LSAMP: variants seen among roughly 807,000 people sequenced by gnomAD.
LSAMP encodes the protein limbic system associated membrane protein.
LSAMP carries 7 observed loss-of-function variants against 38.6 expected under a neutral mutation model. The observed-to-expected ratio is 0.18, with a 90% CI of 0.10 to 0.34. The LOEUF is 0.34. Ranked by LOEUF, LSAMP falls within the 10% of genes least tolerant of loss-of-function variation. The pLI, the probability that LSAMP is intolerant of heterozygous loss-of-function variation, is 1.00. For missense variants in LSAMP, 313 were observed against 420.0 expected, an observed-to-expected ratio of 0.75 and a Z score of 2.23; for synonymous variants, 154 against 166.8, an observed-to-expected ratio of 0.92 and a Z score of 0.59.
chr3:116,409,417 C>T (rs2048942570), intron 1 of LSAMP, among the ~76,000 whole-genome samples: 1 of 152,016 alleles, frequency 6.6e-6, no homozygotes, highest in Non-Finnish European at 1.5e-5. Context: ...TTCACTCATC[C>T]CATTTCCCTT....
chr3:115,940,279 C>A (rs965504502), intron 3 of LSAMP, among the ~76,000 whole-genome samples: 1 of 152,150 alleles, frequency 6.6e-6, no homozygotes, highest in Non-Finnish European at 1.5e-5. Flanking sequence ...GCTGGGGTGG[C>A]CAGCTTTTAT....
intron 1 of LSAMP, among the ~76,000 whole-genome samples, chr3:116,273,709 C>CATAT (rs71616346): frequency 2.7e-5 from 2 of 74,714 alleles, no homozygotes; most frequent in African/African-American, 1.7e-4. Flanking sequence ...TATATATATA[C>CATAT]ACACACACAC....
chr3:115,993,075 G>A (rs1939716786), intron 3 of LSAMP, among the ~76,000 whole-genome samples: 1 of 152,090 alleles, frequency 6.6e-6, no homozygotes. Context: ...TACTCTGTAA[G>A]CTAGGAATAC....
intron 1 of LSAMP, among the ~76,000 whole-genome samples, chr3:116,349,577 C>T (rs1377332757): frequency 6.6e-6 from 1 of 151,576 alleles, no homozygotes; most frequent in Non-Finnish European, 1.5e-5. Flanking sequence ...TACTGTCAGG[C>T]ACTGTTATAG....
chr3:115,853,953 A>G (rs1935413103), intron 3 of LSAMP, among the ~76,000 whole-genome samples: 1 of 152,198 alleles, frequency 6.6e-6, no homozygotes, highest in African/African-American at 2.4e-5. Flanking sequence ...CGTAACAGAC[A>G]GTTAGCAAGG....
At chr3:115,939,724 A>AT (rs1395648360) in intron 3 of LSAMP, among the ~76,000 whole-genome samples, 2 of 151,808 alleles carry the variant, frequency 1.3e-5, no homozygotes, top group Non-Finnish European at 2.9e-5. Context: ...TTGATTAATT[A>AT]TTTTATTTTA....
At chr3:115,822,279 A>G (rs1050318428) in intron 6 of LSAMP, among the ~76,000 whole-genome samples, 1 of 152,006 alleles carries the variant, frequency 6.6e-6, no homozygotes, top group African/African-American at 2.4e-5. Flanking sequence ...GTCAAAATAG[A>G]GAAATGGATT....
intron 3 of LSAMP, among the ~76,000 whole-genome samples, chr3:115,937,036 C>T (rs1937726104): frequency 6.6e-6 from 1 of 151,970 alleles, no homozygotes; most frequent in Non-Finnish European, 1.5e-5. Flanking sequence ...ATAAAGTTAC[C>T]ATTAAAATTG....
chr3:116,393,781 G>A (rs2048733483), intron 1 of LSAMP, among the ~76,000 whole-genome samples: 1 of 152,180 alleles, frequency 6.6e-6, no homozygotes, highest in South Asian at 2.1e-4. Flanking sequence ...TAGAGATAAG[G>A]TTTTATTGAT....
chr3:116,336,323 C>G (rs1466369909), intron 1 of LSAMP, among the ~76,000 whole-genome samples: 2 of 152,006 alleles, frequency 1.3e-5, no homozygotes, highest in Non-Finnish European at 2.9e-5. Context: ...CAGCAAAAGA[C>G]AGCCTACAGA....
chr3:116,271,825 A>C (rs2046978054), intron 1 of LSAMP, among the ~76,000 whole-genome samples: 1 of 152,076 alleles, frequency 6.6e-6, no homozygotes, highest in Admixed American at 6.6e-5. Flanking sequence ...TAATATGCAA[A>C]CTTATTCTTG....
intron 1 of LSAMP, among the ~76,000 whole-genome samples, chr3:116,231,067 T>A (rs2046397625): frequency 6.6e-6 from 1 of 152,148 alleles, no homozygotes; most frequent in East Asian, 1.9e-4. Context: ...TTTCTCTGAT[T>A]TGTCTATGGG....
intron 1 of LSAMP, among the ~76,000 whole-genome samples, chr3:116,369,516 C>T (rs898414608): frequency 2.0e-5 from 3 of 151,974 alleles, no homozygotes; most frequent in Admixed American, 6.6e-5. Context: ...ATGGGCTTGC[C>T]GTCTAGCCAC....
intron 6 of LSAMP, among the ~76,000 whole-genome samples, chr3:115,822,362 C>CT (rs57335228): frequency 5.5e-4 from 67 of 120,846 alleles, no homozygotes; most frequent in African/African-American, 1.5e-3. Context: ...TTCTTTCCTT[C>CT]TTTTTTTTTT....
At chr3:116,285,801 C>T (rs2047187946) in intron 1 of LSAMP, among the ~76,000 whole-genome samples, 2 of 152,048 alleles carry the variant, frequency 1.3e-5, no homozygotes, top group Admixed American at 1.3e-4. Flanking sequence ...ACTCCTCACC[C>T]CACTACACAA....
chr3:116,124,673 T>C (rs1045271100), intron 1 of LSAMP, among the ~76,000 whole-genome samples: 4 of 152,064 alleles, frequency 2.6e-5, no homozygotes. Context: ...TGGAGAAGAA[T>C]AAATATTCTC....
At chr3:116,282,981 T>C (rs1199101331) in intron 1 of LSAMP, among the ~76,000 whole-genome samples, 1 of 152,062 alleles carries the variant, frequency 6.6e-6, no homozygotes, top group Non-Finnish European at 1.5e-5. Flanking sequence ...CCCATGACCC[T>C]ATCAAGATTC....
intron 1 of LSAMP, among the ~76,000 whole-genome samples, chr3:116,207,850 A>C (rs1172734097): frequency 9.9e-5 from 15 of 151,634 alleles, no homozygotes; most frequent in Non-Finnish European, 1.8e-4. Context: ...TTTTCATTTC[A>C]ACTTTGGTGA....
Position 116,197,163 on chromosome 3 carries a change from A to ACACT in LSAMP, c.156-110608_156-110607insAGTG, listed in dbSNP as rs1268040540. On this transcript the variant is annotated intron_variant, in intron 1 of 6. Transcript: ENST00000490035. ...CACACACACACACACACACACACAC[A>ACACT]CTCTCTCTCTCTCTCACTCACTTTG... Among the ~76,000 whole-genome samples the ACACT allele has an allele frequency of 1.7e-3, 230 of 139,200 alleles. 1 individual carries two copies. The highest frequency in any genetic ancestry group is 5.5e-3 in the African/African-American group (214 of 38,798). 91.3% of individuals were successfully genotyped at this position (139,200 alleles called of 152,430 possible).
Sources: gnomAD v4.1 joint callset for allele counts (sites outside exome capture counted in the v4.1 genomes callset) on GRCh38, gnomAD v4.1.1 for gene constraint, MANE v1.5 for transcripts, NCBI Gene and HGNC (gene_info 2026-07-23, HGNC 2026-07-21) for gene names.